RBFOX1: variants seen among roughly 807,000 people sequenced by gnomAD.
The protein encoded by RBFOX1 is RNA binding fox-1 homolog 1.
Under a neutral mutation model 57.7 loss-of-function variants are expected in RBFOX1, and 8 were observed. The observed-to-expected ratio is 0.14, with a 90% confidence interval of 0.08 to 0.25. RBFOX1 has a LOEUF of 0.25. RBFOX1 is among the 10% of genes least tolerant of loss of function. The probability of loss-of-function intolerance (pLI) is 1.00; values close to 1 mark genes in which losing one functional copy is unlikely to be tolerated. For synonymous variants in RBFOX1, 326 were observed against 222.4 expected, an observed-to-expected ratio of 1.47 and a Z score of -4.15; for missense variants, 611 against 548.5, an observed-to-expected ratio of 1.11 and a Z score of -1.14.
chr16:6,481,790 C>G (rs547800061), intron 2 of RBFOX1, among the ~76,000 whole-genome samples: 4 of 152,240 alleles, frequency 2.6e-5, no homozygotes, highest in Admixed American at 6.5e-5. Context: ...GTTATCTCAG[C>G]ATCCGTTAAA....
intron 4 of RBFOX1, among the ~76,000 whole-genome samples, chr16:6,008,980 C>A (rs1022529536): frequency 1.3e-5 from 2 of 152,084 alleles, no homozygotes; most frequent in South Asian, 4.2e-4. Flanking sequence ...GTTGGCTACC[C>A]CTTCTTTTAT....
intron 3 of RBFOX1, among the ~76,000 whole-genome samples, chr16:6,786,539 C>G (rs1004584590): frequency 1.3e-5 from 2 of 152,048 alleles, no homozygotes; most frequent in African/African-American, 4.8e-5. Flanking sequence ...TTCAGAGATC[C>G]TGGAAAGGAA....
intron 4 of RBFOX1, among the ~76,000 whole-genome samples, chr16:7,409,350 A>G (rs1380111806): frequency 6.6e-6 from 1 of 152,246 alleles, no homozygotes; most frequent in Non-Finnish European, 1.5e-5. Context: ...AATTGATATT[A>G]TAAACCCACA....
chr16:6,980,763 G>C (rs1844989), intron 3 of RBFOX1, among the ~76,000 whole-genome samples: 122,092 of 152,104 alleles, frequency 0.8, 49,700 homozygotes, highest in African/African-American at 0.95. Flanking sequence ...CAGGAATGGA[G>C]CAGGTACAGT....
chr16:6,652,090 G>A (rs1043013889), intron 2 of RBFOX1, among the ~76,000 whole-genome samples: 1 of 152,142 alleles, frequency 6.6e-6, no homozygotes, highest in Admixed American at 6.6e-5. Context: ...AGTCCTTTAG[G>A]GAGGTAATTC....
intron 2 of RBFOX1, among the ~76,000 whole-genome samples, chr16:5,506,688 G>T (rs1297205521): frequency 2.6e-5 from 4 of 152,232 alleles, no homozygotes; most frequent in Middle Eastern, 3.4e-3. Flanking sequence ...CCACAGAGAA[G>T]GGAGTGAGGT....
intron 4 of RBFOX1, among the ~76,000 whole-genome samples, chr16:7,419,007 C>A (rs982741264): frequency 6.6e-6 from 1 of 152,128 alleles, no homozygotes; most frequent in Non-Finnish European, 1.5e-5. Flanking sequence ...CGGGCTCATG[C>A]TTTCCTCACA....
At chr16:6,937,190 A>T (rs1247084839) in intron 3 of RBFOX1, among the ~76,000 whole-genome samples, 2 of 152,158 alleles carry the variant, frequency 1.3e-5, no homozygotes, top group African/African-American at 4.8e-5. Context: ...ATTCTGGAAA[A>T]TTCAACTATG....
intron 2 of RBFOX1, among the ~76,000 whole-genome samples, chr16:6,626,358 C>T (rs897433712): frequency 9.2e-5 from 14 of 152,080 alleles, no homozygotes; most frequent in Non-Finnish European, 1.6e-4. Context: ...GTGGGTGTTG[C>T]AGGACCTGGG....
chr16:5,622,423 T>G (rs4786738), intron 3 of RBFOX1, among the ~76,000 whole-genome samples: 75,308 of 152,162 alleles, frequency 0.49, 22,579 homozygotes, highest in Non-Finnish European at 0.68. Context: ...GTACCTGGCG[T>G]AGTAAGCCCT....
chr16:5,619,982 G>T (rs2048155288), intron 3 of RBFOX1, among the ~76,000 whole-genome samples: 1 of 132,684 alleles, frequency 7.5e-6, no homozygotes, highest in African/African-American at 2.7e-5. Context: ...TTCCTAGGAT[G>T]CATTAAAAAA....
chr16:6,165,160 TA>T (rs150245629), intron 1 of RBFOX1, among the ~76,000 whole-genome samples: 4,377 of 152,190 alleles, frequency 0.029, 79 homozygotes, highest in Middle Eastern at 0.051. Context: ...TAAGTGGGAG[TA>T]ATAGTATTAA....
intron 4 of RBFOX1, among the ~76,000 whole-genome samples, chr16:6,006,243 C>G (rs961021246): frequency 6.6e-6 from 1 of 152,146 alleles, no homozygotes; most frequent in Non-Finnish European, 1.5e-5. Context: ...TGAATCTGTA[C>G]TCTGGTTCCA....
At chr16:5,501,145 A>G (rs2043180397) in intron 2 of RBFOX1, among the ~76,000 whole-genome samples, 1 of 151,926 alleles carries the variant, frequency 6.6e-6, no homozygotes, top group African/African-American at 2.4e-5. Context: ...GTGAAACCCC[A>G]TCTCTACTGA....
At chr16:5,778,440 C>T (rs2054217527) in intron 3 of RBFOX1, among the ~76,000 whole-genome samples, 1 of 152,152 alleles carries the variant, frequency 6.6e-6, no homozygotes, top group African/African-American at 2.4e-5. Flanking sequence ...CAGCTCCCTG[C>T]CAGCCCATGA....
chr16:5,520,108 A>C (rs868557516), intron 2 of RBFOX1, among the ~76,000 whole-genome samples: 2 of 152,230 alleles, frequency 1.3e-5, no homozygotes, highest in African/African-American at 4.8e-5. Context: ...TGGGAGCATC[A>C]TTCCAGGGAG....
At chr16:5,452,591 GT>G (rs1340071811) in intron 1 of RBFOX1, among the ~76,000 whole-genome samples, 1 of 151,392 alleles carries the variant, frequency 6.6e-6, no homozygotes, top group Non-Finnish European at 1.5e-5. Flanking sequence ...TGCCTTACCT[GT>G]CCCTCATCCA....
chr16:6,743,798 T>G (rs570369053), intron 3 of RBFOX1, among the ~76,000 whole-genome samples: 1 of 132,700 alleles, frequency 7.5e-6, no homozygotes, highest in African/African-American at 2.9e-5. Flanking sequence ...AAATAAATGT[T>G]CATTATTTTT....
In RBFOX1 at chr16:7,128,818, C is replaced by CTTTT. The variant is rs759893956; in HGVS notation, c.27+76738_27+76741dup. On this transcript the variant is annotated intron_variant, in intron 4 of 15. Transcript: ENST00000550418. ...TAATGGTAACTTTTTTTTCTTTTTA[C>CTTTT]TTTTTTTTTTTTTTTTTTTTTAAGA... 2.6e-3 allele frequency among the ~76,000 whole-genome samples: 324 copies of CTTTT among 126,912 alleles called. 2 individuals carry two copies. The highest frequency in any genetic ancestry group is 9.1e-3 in the African/African-American group (302 of 33,356). 83.3% of individuals were successfully genotyped at this position (126,912 alleles called of 152,430 possible).
Sources: gnomAD v4.1 joint callset for allele counts (sites outside exome capture counted in the v4.1 genomes callset) on GRCh38, gnomAD v4.1.1 for gene constraint, MANE v1.5 for transcripts, NCBI Gene and HGNC (gene_info 2026-07-23, HGNC 2026-07-21) for gene names.